KLHL32: variants seen among roughly 807,000 people sequenced by gnomAD.
KLHL32 encodes the protein kelch like family member 32, also known as kelch-like protein 32.
A neutral mutation model predicts 64.8 loss-of-function variants in KLHL32; 35 were observed. That is an observed-to-expected ratio of 0.54 (90% CI 0.41 to 0.72). The LOEUF (loss-of-function observed/expected upper bound fraction) is 0.72, where lower values mean the gene tolerates loss of function less well. Among genes scored for constraint, KLHL32 ranks in the 30% least tolerant of loss-of-function variants. KLHL32 has a pLI of 0.00. For missense variants in KLHL32, 589 were observed against 768.5 expected, an observed-to-expected ratio of 0.77 and a Z score of 2.76; for synonymous variants, 259 against 281.0, an observed-to-expected ratio of 0.92 and a Z score of 0.78.
chr6:97,081,338 G>A (rs190496159), intron 5 of KLHL32, among the ~76,000 whole-genome samples: 216 of 152,190 alleles, frequency 1.4e-3, no homozygotes, highest in African/African-American at 4.9e-3. Context: ...GGGGACAGAG[G>A]ACTATTGCCT....
At chr6:96,964,835 T>C (rs150137321) in intron 1 of KLHL32, among the ~76,000 whole-genome samples, 5 of 152,310 alleles carry the variant, frequency 3.3e-5, no homozygotes, top group African/African-American at 9.6e-5. Context: ...CCTTAACTCA[T>C]TTTAACTCAC....
At chr6:97,007,661 G>C (rs577806771) in intron 3 of KLHL32, among the ~76,000 whole-genome samples, 5 of 152,140 alleles carry the variant, frequency 3.3e-5, no homozygotes, top group Admixed American at 6.5e-5. Context: ...GAGGTTTTTT[G>C]CTTTTTCATC....
chr6:97,113,714 T>C (rs959027356), intron 6 of KLHL32, 69 bp from the exon 7 acceptor site: 8 of 1,551,764 alleles, frequency 5.2e-6, no homozygotes, highest in Middle Eastern at 3.5e-4. Flanking sequence ...GTAACCTACC[T>C]ATATGCTGTT....
intron 2 of KLHL32, among the ~76,000 whole-genome samples, chr6:96,971,522 C>T (rs996607593): frequency 3.9e-5 from 6 of 152,090 alleles, no homozygotes; most frequent in African/African-American, 1.4e-4. Flanking sequence ...TTCCTGAGAC[C>T]TCGTTTATTT....
the KLHL32 span, among the ~76,000 whole-genome samples, chr6:96,911,821 C>CTTTTTTT: frequency 1.1e-4 from 6 of 53,510 alleles, no homozygotes; most frequent in Admixed American, 2.1e-4. Context: ...CTGCTCGGTC[C>CTTTTTTT]TTCTTTTTTT....
intron 3 of KLHL32, among the ~76,000 whole-genome samples, chr6:96,982,789 A>T (rs1282658479): frequency 6.6e-6 from 1 of 152,180 alleles, no homozygotes; most frequent in Non-Finnish European, 1.5e-5. Flanking sequence ...GGCTGAGACG[A>T]TGGGGTTTTC....
At chr6:97,113,511 A>G (rs1344227851) in intron 6 of KLHL32, among the ~76,000 whole-genome samples, 1 of 152,130 alleles carries the variant, frequency 6.6e-6, no homozygotes, top group Non-Finnish European at 1.5e-5. Flanking sequence ...AAAATCAATT[A>G]CTGTTCACCC....
chr6:96,954,312 A>ATTTTTTTTTTT (rs71012579), intron 1 of KLHL32, among the ~76,000 whole-genome samples: 1 of 89,436 alleles, frequency 1.1e-5, no homozygotes, highest in African/African-American at 4.7e-5. Context: ...CTTTCCTTCA[A>ATTTTTTTTTTT]TTTTTTTTTT....
chr6:96,990,709 G>C (rs1777753873), intron 3 of KLHL32, among the ~76,000 whole-genome samples: 1 of 151,902 alleles, frequency 6.6e-6, no homozygotes, highest in Admixed American at 6.6e-5. Context: ...CTACCAGTTG[G>C]TGTGATTGGC....
At chr6:97,055,566 C>T (rs563703349) in intron 4 of KLHL32, among the ~76,000 whole-genome samples, 2 of 152,086 alleles carry the variant, frequency 1.3e-5, no homozygotes, top group Admixed American at 1.3e-4. Flanking sequence ...GGGAGGCCAA[C>T]GCAGGTGGGT....
At chr6:96,984,709 G>A (rs946617265) in intron 3 of KLHL32, among the ~76,000 whole-genome samples, 1 of 151,700 alleles carries the variant, frequency 6.6e-6, no homozygotes, top group African/African-American at 2.4e-5. Context: ...GCCTTTTTTT[G>A]TTTTCTATTT....
At chr6:97,135,311 T>TG in intron 10 of KLHL32, among the ~76,000 whole-genome samples, 1 of 115,734 alleles carries the variant, frequency 8.6e-6, no homozygotes, top group African/African-American at 3.4e-5. Flanking sequence ...TTTTTTTTTT[T>TG]TTTTTTTTTT....
intron 4 of KLHL32, among the ~76,000 whole-genome samples, chr6:97,051,462 G>A (rs527552829): frequency 1.3e-5 from 2 of 152,314 alleles, no homozygotes; most frequent in Non-Finnish European, 2.9e-5. Context: ...ACTCCAAACA[G>A]TAGATCAACC....
chr6:97,088,126 A>G (rs1262918185), intron 6 of KLHL32, among the ~76,000 whole-genome samples: 2 of 152,156 alleles, frequency 1.3e-5, no homozygotes, highest in African/African-American at 2.4e-5. Context: ...ATTTCACTCT[A>G]TATTTAGAGG....
At chr6:96,967,165 G>A (rs1774546884) in intron 2 of KLHL32, 82 bp downstream of exon 2, 1 of 1,272,900 alleles carries the variant, frequency 7.9e-7, no homozygotes, top group Middle Eastern at 2.2e-4. Flanking sequence ...CAAGCACAAA[G>A]CAGGGGCTTA....
chr6:96,911,256 A>G, the KLHL32 span, among the ~76,000 whole-genome samples: 4 of 152,300 alleles, frequency 2.6e-5, no homozygotes, highest in Admixed American at 2.6e-4. Context: ...CTTTCCTGAT[A>G]GAAAATCTTG....
intron 3 of KLHL32, among the ~76,000 whole-genome samples, chr6:97,015,343 A>G (rs935732225): frequency 1.3e-5 from 2 of 152,194 alleles, no homozygotes; most frequent in Non-Finnish European, 2.9e-5. Flanking sequence ...TCAGAAGAAG[A>G]CAGGAAGATG....
intron 1 of KLHL32, among the ~76,000 whole-genome samples, chr6:96,943,998 C>T (rs1771649580): frequency 1.3e-5 from 2 of 152,166 alleles, no homozygotes; most frequent in Non-Finnish European, 2.9e-5. Flanking sequence ...CCTGTGGTCT[C>T]ATTTTTCAGC....
At chr6:97,100,775 C>T (rs1269638924) in intron 6 of KLHL32, among the ~76,000 whole-genome samples, 5 of 147,536 alleles carry the variant, frequency 3.4e-5, no homozygotes, top group African/African-American at 7.5e-5. Flanking sequence ...AGTGAACGTG[C>T]TCTTGTGCTC....
Sources: gnomAD v4.1 joint callset for allele counts (sites outside exome capture counted in the v4.1 genomes callset) on GRCh38, gnomAD v4.1.1 for gene constraint, MANE v1.5 for transcripts, NCBI Gene and HGNC (gene_info 2026-07-23, HGNC 2026-07-21) for gene names.